Variants in C1orf141 observed in about 807,000 individuals in gnomAD.
C1orf141 encodes the protein uncharacterized protein C1orf141.
In C1orf141, 19 loss-of-function variants were observed where a neutral mutation model predicts 23.2. The observed-to-expected ratio is 0.82, with a 90% CI of 0.57 to 1.20. The LOEUF is 1.20. C1orf141 is among the 50% of genes most tolerant of loss of function. The pLI is 0.00. For missense variants in C1orf141, 469 were observed against 455.1 expected (o/e 1.03, Z -0.28); for synonymous variants, 153 against 154.6 (o/e 0.99, Z 0.08).
chr1:67,096,203 GAAAC>G lies in C1orf141; in HGVS notation c.416+45_416+48del, dbSNP rs775993340. On this transcript the variant is annotated intron_variant, in intron 6 of 7. Transcript: ENST00000684719. Reference sequence around the variant, plus strand: ...GTCAATTATAAAATGTGTCCTACTAGAAACATCATTAAACAGAACAAAGTATTAA... The same window carrying G: ...GTCAATTATAAAATGTGTCCTACTAGATCATTAAACAGAACAAAGTATTAA... 4 of 898,186 alleles carry G rather than the reference GAAAC, an allele frequency of 4.5e-6. No individual in the cohort carries two copies. In the East Asian group the frequency reaches 7.6e-5, roughly 17 times the overall value. 55.6% of individuals were successfully genotyped at this position (898,186 alleles called of 1,614,324 possible). A position where few individuals can be genotyped will look rare whatever the true frequency, so the allele number is the denominator to read the frequency against.
intron 5 of C1orf141, among the ~76,000 whole-genome samples, chr1:67,112,167 T>C (rs1319272538): frequency 6.6e-6 from 1 of 152,192 alleles, no homozygotes; most frequent in Admixed American, 6.5e-5. Flanking sequence ...GGAAAGTTAC[T>C]TAACATCTGT....
intron 5 of C1orf141, among the ~76,000 whole-genome samples, chr1:67,110,913 T>TTA (rs1028801985): frequency 6.0e-4 from 89 of 148,566 alleles, no homozygotes; most frequent in African/African-American, 1.9e-3. Flanking sequence ...CCATATTTCT[T>TTA]TATATATATA....
At chr1:67,121,781 A>G (rs1646304002) in intron 4 of C1orf141, 1 of 152,212 alleles carries the variant, frequency 6.6e-6, no homozygotes, top group Non-Finnish European at 1.5e-5. Flanking sequence ...ATATAAGAGA[A>G]AAAAGAAATT....
At chr1:67,110,099 C>T (rs1646033900) in intron 5 of C1orf141, among the ~76,000 whole-genome samples, 1 of 151,746 alleles carries the variant, frequency 6.6e-6, no homozygotes, top group South Asian at 2.1e-4. Flanking sequence ...TTAGAATTAA[C>T]CTACAAACAA....
intron 5 of C1orf141, among the ~76,000 whole-genome samples, chr1:67,107,412 A>G (rs1442634064): frequency 6.6e-6 from 1 of 152,220 alleles, no homozygotes; most frequent in African/African-American, 2.4e-5. Context: ...TTAAACATTA[A>G]TAAAATAAAC....
chr1:67,097,305 G>A (rs1645704115), intron 5 of C1orf141, among the ~76,000 whole-genome samples: 1 of 152,210 alleles, frequency 6.6e-6, no homozygotes, highest in Non-Finnish European at 1.5e-5. Context: ...AGTATTTGCA[G>A]CATTCAAGTA....
intron 5 of C1orf141, among the ~76,000 whole-genome samples, chr1:67,110,479 A>G (rs984514788): frequency 6.6e-6 from 1 of 152,122 alleles, no homozygotes; most frequent in Non-Finnish European, 1.5e-5. Flanking sequence ...CTCATTCTTT[A>G]GAAATATGGA....
chr1:67,096,367 C>A, intron 5 of C1orf141, 46 bp from the exon 6 acceptor site: 3 of 944,142 alleles, frequency 3.2e-6, no homozygotes, highest in South Asian at 1.5e-5. Context: ...GATATTCTGA[C>A]ATTTAGGAAA....
chr1:67,127,087 G>C, intron 3 of C1orf141, 79 bp downstream of exon 3: 1 of 945,300 alleles, frequency 1.1e-6, no homozygotes, highest in East Asian at 2.6e-5. Context: ...TGTATCATTA[G>C]CTAAAAAGTA....
intron 4 of C1orf141, among the ~76,000 whole-genome samples, chr1:67,117,582 A>T (rs1400378666): frequency 6.6e-6 from 1 of 152,158 alleles, no homozygotes; most frequent in African/African-American, 2.4e-5. Flanking sequence ...CAAAAAATGT[A>T]TCTTATGTTC....
In C1orf141 at chr1:67,122,889, G is replaced by T. The variant is rs552963316; in HGVS notation, c.233+2863C>A. On this transcript the variant is annotated intron_variant, in intron 4 of 7. Coordinates refer to ENST00000684719, the MANE Select transcript of C1orf141 (RefSeq NM_001276351.2). ...TTTTGGGAGGTGTTAAACATACTAA[G>T]TTTCCCAAGTACTCTTAAAAGTTCA... 3 of 152,180 alleles carry T rather than the reference G, an allele frequency of 2.0e-5. No homozygotes were observed. In the East Asian group the frequency reaches 5.8e-4, roughly 29 times the overall value. 9.4% of individuals were successfully genotyped at this position (152,180 alleles called of 1,614,324 possible). A position where few individuals can be genotyped will look rare whatever the true frequency, so the allele number is the denominator to read the frequency against.
At chr1:67,119,143 A>G (rs942892981) in intron 4 of C1orf141, among the ~76,000 whole-genome samples, 11 of 152,230 alleles carry the variant, frequency 7.2e-5, no homozygotes, top group Non-Finnish European at 8.8e-5. Flanking sequence ...TGAGGGCTTA[A>G]AAAGAAAAGA....
upstream of C1orf141, among the ~76,000 whole-genome samples, chr1:67,138,112 T>C (rs1646601673): frequency 1.3e-5 from 2 of 152,248 alleles, no homozygotes; most frequent in African/African-American, 4.8e-5. Context: ...TTTTACAGAT[T>C]TGGGGACTTT....
Position 67,093,130 on chromosome 1 carries a change from G to A in C1orf141, c.1078C>T (p.Pro360Ser), listed in dbSNP as rs1255797165. The stretch of plus-strand genomic sequence containing the variant: ...TTGACAGGTAAGGCACTGGATGTGG[G>A]TATGCTCGTTGGTTTTCCTGCAGAA... ...MFSAGKPTSIPTSSALPVKCY... is the reference protein window; with the variant it reads ...MFSAGKPTSISTSSALPVKCY... Residue 360 changes from proline to serine, a missense_variant, in exon 8 of 8, where the codon CCC becomes TCC. Pro to Ser is a moderately conservative substitution (Grantham distance 74). This residue lies in a region of C1orf141 where 370 missense variants were observed against 348.1 expected (regional missense o/e 1.06). Transcript: ENST00000684719. 6.2e-7 allele frequency: 1 copy of A among 1,613,936 alleles called. No individual in the cohort carries two copies. The highest frequency in any genetic ancestry group is 1.1e-5 in the South Asian group (1 of 91,074).
chr1:67,095,379 GTT>G lies in C1orf141; in HGVS notation c.457_458del (p.Asn153GlnfsTer10), dbSNP rs954875235. ...PQMNDFNIKENKSVRNYQLSK... is the reference protein window; with the variant it reads ...PQMNDFNIKEXKSVRNYQLSK... ...TTAATTGATAATTTCTGACCGATTT[GTT>G]TTCTTTTATATTAAAATCGTTCATC... On this transcript the variant is annotated frameshift_variant, in exon 7 of 8. Transcript: ENST00000684719. LOFTEE classifies it high-confidence loss of function. The G allele has an allele frequency of 1.9e-6, 3 of 1,562,844 alleles. No homozygotes were observed. Among genetic ancestry groups the G allele is most frequent in the Non-Finnish European group, 1.7e-6 (2 of 1,148,264 alleles).
chr1:67,123,607 G>T (rs1257036999), intron 4 of C1orf141: 1 of 152,164 alleles, frequency 6.6e-6, no homozygotes, highest in Admixed American at 6.5e-5. Context: ...CAGGGACCTG[G>T]ATAAGGGTGT....
chr1:67,140,076 C>G lies in C1orf141; in HGVS notation c.-103-8849G>C, dbSNP rs571120855. ...CAAGAAGTCCCTCACCAGATGTGGCCCCTCAACCTTGCACTTCTCAGTCTC... is the reference window on the plus strand; with the variant it reads ...CAAGAAGTCCCTCACCAGATGTGGCGCCTCAACCTTGCACTTCTCAGTCTC... On this transcript the variant is annotated intron_variant, in intron 1 of 7. Transcript: ENST00000371007. Among the ~76,000 whole-genome samples the G allele has an allele frequency of 1.1e-4, 16 of 152,182 alleles. No homozygotes were observed. In the South Asian group the frequency reaches 2.3e-3, roughly 22 times the overall value.
intron 5 of C1orf141, 34 bp from the exon 6 acceptor site, chr1:67,096,355 T>C (rs767515875): frequency 1.9e-6 from 2 of 1,060,188 alleles, no homozygotes; most frequent in South Asian, 1.4e-5. Flanking sequence ...AAAAGACACA[T>C]AGATATTCTG....
At chr1:67,095,157 T>C in intron 7 of C1orf141, 78 bp downstream of exon 7, 1 of 806,354 alleles carries the variant, frequency 1.2e-6, no homozygotes, top group Non-Finnish European at 1.9e-6. Context: ...AAGATTCTGG[T>C]CACTAAAATA....
Sources: gnomAD v4.1 joint callset for allele counts (sites outside exome capture counted in the v4.1 genomes callset) on GRCh38, gnomAD v4.1.1 for gene constraint, gnomAD v4.1.1 regional missense constraint, MANE v1.5 for transcripts, NCBI Gene and HGNC (gene_info 2026-07-23, HGNC 2026-07-21) for gene names.